DNAJC13: variants seen among roughly 807,000 people sequenced by gnomAD.
DNAJC13 encodes dnaJ homolog subfamily C member 13.
A neutral mutation model predicts 290.5 loss-of-function variants in DNAJC13; 75 were observed. That is an observed-to-expected ratio of 0.26 (90% CI 0.21 to 0.31). DNAJC13 has a LOEUF of 0.31. Among genes scored for constraint, DNAJC13 ranks in the 10% least tolerant of loss-of-function variants. DNAJC13 has a pLI of 1.00. For missense variants in DNAJC13, 2,260 were observed against 2,674.5 expected (o/e 0.85, Z 3.42); for synonymous variants, 862 against 892.0 (o/e 0.97, Z 0.60).
chr3:132,505,469 G>C, intron 42 of DNAJC13, 54 bp downstream of exon 42: 2 of 1,170,466 alleles, frequency 1.7e-6, no homozygotes, highest in South Asian at 1.3e-5. Context: ...GGAATCTCTG[G>C]AAGTACAGCA....
At chr3:132,430,322 A>T (rs909171459) in intron 1 of DNAJC13, among the ~76,000 whole-genome samples, 1 of 151,938 alleles carries the variant, frequency 6.6e-6, no homozygotes. Context: ...TAAATTATTT[A>T]AAAAATTTAT....
chr3:132,469,963 C>CTTTTTTTTTT (rs61726289), intron 20 of DNAJC13, among the ~76,000 whole-genome samples: 4 of 61,152 alleles, frequency 6.5e-5, no homozygotes, highest in South Asian at 7.0e-4. Flanking sequence ...AGCAGAGATT[C>CTTTTTTTTTT]TTTTTTTTTT....
intron 29 of DNAJC13, among the ~76,000 whole-genome samples, chr3:132,487,588 C>T (rs1050698245): frequency 7.1e-5 from 6 of 84,930 alleles, no homozygotes; most frequent in African/African-American, 6.0e-4. Context: ...TTACTGGGAG[C>T]ATTTGACCCC....
intron 1 of DNAJC13, among the ~76,000 whole-genome samples, chr3:132,431,268 G>C (rs1939231258): frequency 6.6e-6 from 1 of 152,132 alleles, no homozygotes; most frequent in Non-Finnish European, 1.5e-5. Flanking sequence ...CCTCTCTCTG[G>C]ATATTCCAGT....
chr3:132,474,986 A>G lies in DNAJC13; in HGVS notation c.2346A>G (p.Glu782=). 1 of 1,612,424 alleles carries G rather than the reference A, an allele frequency of 6.2e-7. No individual in the cohort carries two copies. Among genetic ancestry groups the G allele is most frequent in the Non-Finnish European group, 8.5e-7 (1 of 1,179,218 alleles). ...TTATTTGGAATTTCAAAACACGAGA[A>G]GAACTGAAAGATACTCTTGAATCTG... is the stretch of plus-strand genomic sequence containing the variant. The part of the protein sequence containing the change: ...SNLIWNFKTR[E]ELKDTLESEM... The change falls in exon 22 of 56, where the codon GAA becomes GAG. Residue 782 remains glutamate, a synonymous_variant. Coordinates refer to ENST00000260818, the MANE Select transcript of DNAJC13 (RefSeq NM_015268.4).
chr3:132,506,343 C>T lies in DNAJC13; in HGVS notation c.4999-894C>T, dbSNP rs1283912997. 3.3e-5 allele frequency among the ~76,000 whole-genome samples: 5 copies of T among 151,522 alleles called. No homozygotes were observed. The South Asian group carries it at 6.3e-4, about 19-fold the overall frequency. ...CTGGGATTACAGGCCTGAGTCACCG[C>T]GCCCGGCCTTCTGTACATTATCTTT... is the stretch of plus-strand genomic sequence containing the variant. On this transcript the variant is annotated intron_variant, in intron 42 of 55. Transcript: ENST00000260818.
intron 45 of DNAJC13, among the ~76,000 whole-genome samples, chr3:132,513,863 A>G (rs1935846652): frequency 6.6e-6 from 1 of 152,216 alleles, no homozygotes; most frequent in African/African-American, 2.4e-5. Flanking sequence ...ATTGCAAAGA[A>G]CACCAAATGC....
intron 1 of DNAJC13, among the ~76,000 whole-genome samples, 152 bp from the exon 2 acceptor site, chr3:132,434,384 CAA>C (rs761665933): frequency 3.2e-5 from 3 of 94,512 alleles, no homozygotes; most frequent in African/African-American, 3.7e-5. Context: ...AGACTCATCT[CAA>C]AAAAAAAAAA....
chr3:132,479,350 C>A, intron 25 of DNAJC13, 61 bp downstream of exon 25: 1 of 1,196,118 alleles, frequency 8.4e-7, no homozygotes. Flanking sequence ...GTAAGATAAA[C>A]TCACAGTTTG....
At chr3:132,537,437 C>T (rs1391986032) in intron 55 of DNAJC13, among the ~76,000 whole-genome samples, 2 of 152,206 alleles carry the variant, frequency 1.3e-5, no homozygotes, top group Non-Finnish European at 2.9e-5. Context: ...TTGTGCAGTG[C>T]TTCTGAGATG....
intron 39 of DNAJC13, among the ~76,000 whole-genome samples, chr3:132,501,708 G>C (rs1184604763): frequency 6.6e-6 from 1 of 152,192 alleles, no homozygotes; most frequent in Non-Finnish European, 1.5e-5. Context: ...AAGGTTGACT[G>C]TGGGTAGATG....
Position 132,462,496 on chromosome 3 carries a change from T to A in DNAJC13, c.1743T>A (p.Ala581=). Residue 581 remains alanine (A), a synonymous_variant, in exon 16 of 56, where the codon GCT becomes GCA. Transcript: ENST00000260818. ...QHPSMAIIKG[A]GLVMKAIIEE... is the part of the protein sequence containing the mutation. Reference sequence around the variant, plus strand: ...CTTCCATGGCAATAATAAAAGGAGCTGGGTTGGTTATGAAGGCAATAATAG... The same window carrying A: ...CTTCCATGGCAATAATAAAAGGAGCAGGGTTGGTTATGAAGGCAATAATAG... 1 of 1,610,564 alleles carries A rather than the reference T, an allele frequency of 6.2e-7. No homozygotes were observed. Among genetic ancestry groups the A allele is most frequent in the Non-Finnish European group, 8.5e-7 (1 of 1,178,776 alleles).
intron 32 of DNAJC13, among the ~76,000 whole-genome samples, chr3:132,491,746 A>G (rs376084699): frequency 2.6e-5 from 4 of 152,118 alleles, no homozygotes; most frequent in Non-Finnish European, 4.4e-5. Flanking sequence ...TAGATCTTCT[A>G]TGTCAATTAC....
At position 132,494,409 on chromosome 3, in the gene DNAJC13, G is replaced by A. The variant is rs1288762102; in HGVS notation, c.3941+150G>A. The A allele has an allele frequency of 4.6e-6, 3 of 658,802 alleles. No individual in the cohort carries two copies. The East Asian group carries it at 8.6e-5, about 19-fold the overall frequency. The allele number at this position is 658,802 out of a possible 1,614,324, so 40.8% of individuals were successfully genotyped here. A position where few individuals can be genotyped will look rare whatever the true frequency, so the allele number is the denominator to read the frequency against. On this transcript the variant is annotated intron_variant, in intron 34 of 55. Coordinates refer to ENST00000260818, the MANE Select transcript of DNAJC13 (RefSeq NM_015268.4). Reference sequence around the variant, plus strand: ...GGAATAACCATATGGAACTATATCTGTGTGACTTTCATTTATTGCAAACTT... The same window carrying A: ...GGAATAACCATATGGAACTATATCTATGTGACTTTCATTTATTGCAAACTT...
intron 42 of DNAJC13, 23 bp from the exon 43 acceptor site, chr3:132,507,212 GTC>G: frequency 7.3e-7 from 1 of 1,375,704 alleles, no homozygotes; most frequent in Non-Finnish European, 1.0e-6. Flanking sequence ...ACATCTAACA[GTC>G]TATTTTTTCA....
chr3:132,489,029 A>T lies in DNAJC13; in HGVS notation c.3468+8A>T, dbSNP rs758096654. ...GCTTTCAAGTCAGAAGAGGTAAGCC[A>T]GGTTAATCCTCTGAATACTTAACCC... On this transcript the variant is annotated splice_region_variant and intron_variant, in intron 31 of 55. Transcript: ENST00000260818. 7 of 1,609,480 alleles carry T rather than the reference A, an allele frequency of 4.3e-6. No homozygotes were observed. The highest frequency in any genetic ancestry group is 6.0e-6 in the Non-Finnish European group (7 of 1,176,326).
chr3:132,538,138 G>A, intron 55 of DNAJC13, 38 bp from the exon 56 acceptor site: 1 of 1,558,740 alleles, frequency 6.4e-7, no homozygotes, highest in Non-Finnish European at 8.8e-7. Flanking sequence ...TCACTTGACT[G>A]CTTTCTAGAG....
At chr3:132,513,857 C>G (rs1935846515) in intron 45 of DNAJC13, among the ~76,000 whole-genome samples, 1 of 152,144 alleles carries the variant, frequency 6.6e-6, no homozygotes, top group Non-Finnish European at 1.5e-5. Context: ...CAGTTTATTG[C>G]AAAGAACACC....
rs1255845675 is a variant in DNAJC13, at chr3:132,503,397, G to A, written c.4884+16G>A. On this transcript the variant is annotated intron_variant, in intron 41 of 55. Transcript: ENST00000260818. ...TGTGACTGAGGTATGTGCTTCACAG[G>A]TAGCCTGGGTTTTAATCAATAGTGC... 1.2e-6 allele frequency: 2 copies of A among 1,613,656 alleles called. No individual in the cohort carries two copies. Among genetic ancestry groups the A allele is most frequent in the Non-Finnish European group, 1.7e-6 (2 of 1,179,678 alleles).
Sources: gnomAD v4.1 joint callset for allele counts (sites outside exome capture counted in the v4.1 genomes callset) on GRCh38, gnomAD v4.1.1 for gene constraint, MANE v1.5 for transcripts, NCBI Gene and HGNC (gene_info 2026-07-23, HGNC 2026-07-21) for gene names.